The following RNF146 variants were observed in gnomAD, a reference collection of about 807,000 sequenced individuals.
RNF146 encodes ring finger protein 146.
Under a neutral mutation model 29.7 loss-of-function variants are expected in RNF146, and 11 were observed. The observed-to-expected ratio is 0.37, with a 90% CI of 0.23 to 0.61. RNF146 has a LOEUF of 0.61. RNF146 is among the 20% of genes least tolerant of loss of function. The pLI is 0.66. For synonymous variants in RNF146, 150 were observed against 159.7 expected, an observed-to-expected ratio of 0.94 and a Z score of 0.46; for missense variants, 342 against 438.9, an observed-to-expected ratio of 0.78 and a Z score of 1.97.
intron 1 of RNF146, among the ~76,000 whole-genome samples, chr6:127,267,488 TCAGA>T (rs1478908595): frequency 6.6e-6 from 1 of 152,082 alleles, no homozygotes; most frequent in Non-Finnish European, 1.5e-5. Flanking sequence ...CCGTGTGGGG[TCAGA>T]CAGTTTGGGC....
intron 2 of RNF146, among the ~76,000 whole-genome samples, chr6:127,283,244 T>C (rs1270992196): frequency 6.6e-6 from 1 of 151,810 alleles, no homozygotes; most frequent in Admixed American, 6.6e-5. Flanking sequence ...TAAAAACGTC[T>C]TTGAAAGTAA....
At chr6:127,285,819 G>A (rs572766145) in intron 2 of RNF146, among the ~76,000 whole-genome samples, 4 of 151,794 alleles carry the variant, frequency 2.6e-5, no homozygotes, top group East Asian at 1.9e-4. Flanking sequence ...TTTTGATTAC[G>A]CAGGAATCAG....
At chr6:127,274,279 T>C (rs890817393) in intron 1 of RNF146, among the ~76,000 whole-genome samples, 1 of 152,164 alleles carries the variant, frequency 6.6e-6, no homozygotes, top group South Asian at 2.1e-4. Flanking sequence ...ATAGGAAAGA[T>C]CACAGCTTAT....
chr6:127,271,370 G>C (rs1056404937), intron 1 of RNF146, among the ~76,000 whole-genome samples: 1 of 152,168 alleles, frequency 6.6e-6, no homozygotes, highest in African/African-American at 2.4e-5. Context: ...GTTAATAGGT[G>C]ATGGGTCAGT....
At chr6:127,282,533 A>G (rs958740592) in intron 2 of RNF146, 2 of 151,692 alleles carry the variant, frequency 1.3e-5, no homozygotes, top group African/African-American at 4.8e-5. Context: ...TCAAATTCTG[A>G]ATTTTGGTGA....
chr6:127,286,742 ATG>A lies in RNF146; in HGVS notation c.133_134del (p.Val45SerfsTer8). 6.2e-7 allele frequency: 1 copy of A among 1,613,350 alleles called. No homozygotes were observed. Among genetic ancestry groups the A allele is most frequent in the Non-Finnish European group, 8.5e-7 (1 of 1,179,544 alleles). On this transcript the variant is annotated frameshift_variant, in exon 3 of 3. Transcript: ENST00000368314. LOFTEE classifies it high-confidence loss of function. The surrounding 1 kb of genome is among the most constrained non-coding windows in gnomAD (Gnocchi z 4.6). ...CTGAATGTGCCATTTGTCTGCAAAC[ATG>A]TGTTCATCCAGTCAGTCTGCCCTGT... ...VPECAICLQT[C>X]VHPVSLPCKH...
At chr6:127,280,417 T>C in intron 2 of RNF146, 77 bp downstream of exon 2, 1 of 1,497,100 alleles carries the variant, frequency 6.7e-7, no homozygotes, top group Non-Finnish European at 9.1e-7. Context: ...AAATTGAGTA[T>C]CTGTCATATG....
rs186705215 is a variant in RNF146, at chr6:127,286,470, C to T, written c.3-146C>T. On this transcript the variant is annotated intron_variant, in intron 2 of 2. Transcript: ENST00000368314. This position sits in a 1 kb window ranked among gnomAD's most constrained non-coding sequence, Gnocchi z 4.6. ...ATTTTCATCGGTTGGAGAGTTTTTC[C>T]TCTACTTTCATCTTCATATCCCCAT... 1.9e-4 allele frequency: 157 copies of T among 843,848 alleles called. No individual in the cohort carries two copies. The African/African-American group carries it at 2.5e-3, about 14-fold the overall frequency. The allele number at this position is 843,848 out of a possible 1,614,324, so 52.3% of individuals were successfully genotyped here. A position where few individuals can be genotyped will look rare whatever the true frequency, so the allele number is the denominator to read the frequency against.
chr6:127,277,598 C>T (rs954212934), intron 1 of RNF146, among the ~76,000 whole-genome samples: 138 of 152,102 alleles, frequency 9.1e-4, no homozygotes, highest in African/African-American at 3.2e-3. Flanking sequence ...AACTGAAGAA[C>T]TTGGAGTCTG....
chr6:127,277,659 G>A (rs574585240), intron 1 of RNF146, among the ~76,000 whole-genome samples: 98 of 152,122 alleles, frequency 6.4e-4, no homozygotes, highest in Non-Finnish European at 5.6e-4. Flanking sequence ...TAGGCTGGGA[G>A]GCTAGGCCCA....
chr6:127,280,542 G>A, intron 2 of RNF146: 1 of 1,246,168 alleles, frequency 8.0e-7, no homozygotes, highest in East Asian at 3.2e-5. Flanking sequence ...AAAAGGAAAA[G>A]TCTCTATAAG....
Position 127,286,417 on chromosome 6 carries a change from G to T in RNF146, c.3-199G>T. 1.5e-6 allele frequency: 1 copy of T among 670,174 alleles called. No homozygotes were observed. Among genetic ancestry groups the T allele is most frequent in the Non-Finnish European group, 2.4e-6 (1 of 413,230 alleles). The allele number at this position is 670,174 out of a possible 1,614,324, so 41.5% of individuals were successfully genotyped here. On this transcript the variant is annotated intron_variant, in intron 2 of 2. Transcript: ENST00000368314. This position sits in a 1 kb window ranked among gnomAD's most constrained non-coding sequence, Gnocchi z 4.6. ...TGATGGAATTTTTATACATTCCCAAGGTATGTACAAGTAGATGCTTACAAA... is the reference window on the plus strand; with the variant it reads ...TGATGGAATTTTTATACATTCCCAATGTATGTACAAGTAGATGCTTACAAA...
intron 1 of RNF146, among the ~76,000 whole-genome samples, chr6:127,276,460 ATGTC>A (rs1778225663): frequency 6.6e-6 from 1 of 151,946 alleles, no homozygotes; most frequent in Admixed American, 6.6e-5. Context: ...GAAACCTGAG[ATGTC>A]ATATTGTAAG....
intron 2 of RNF146, among the ~76,000 whole-genome samples, chr6:127,284,814 C>T (rs1488654159): frequency 6.6e-6 from 1 of 151,792 alleles, no homozygotes; most frequent in East Asian, 1.9e-4. Flanking sequence ...CCACATGTGG[C>T]CCAGGATGGC....
Position 127,286,584 on chromosome 6 carries a change from A to G in RNF146, c.3-32A>G. The G allele has an allele frequency of 6.5e-7, 1 of 1,543,808 alleles. No homozygotes were observed. The highest frequency in any genetic ancestry group is 8.8e-7 in the Non-Finnish European group (1 of 1,138,908). On this transcript the variant is annotated intron_variant, in intron 2 of 2. Coordinates refer to ENST00000368314, the MANE Select transcript of RNF146 (RefSeq NM_001242850.2). The surrounding 1 kb of genome is among the most constrained non-coding windows in gnomAD (Gnocchi z 4.6). Reference sequence around the variant, plus strand: ...ATTAAGATATTGCAAGAATTAAAACATGACTTTAATATTATATGTATTTTT... The same window carrying G: ...ATTAAGATATTGCAAGAATTAAAACGTGACTTTAATATTATATGTATTTTT...
At chr6:127,270,053 G>A (rs1043195084) in intron 1 of RNF146, among the ~76,000 whole-genome samples, 11 of 151,522 alleles carry the variant, frequency 7.3e-5, no homozygotes, top group African/African-American at 2.7e-4. Context: ...AAAGATAATC[G>A]CTTGCTTGAA....
At chr6:127,271,606 G>A (rs1777510324) in intron 1 of RNF146, among the ~76,000 whole-genome samples, 1 of 152,132 alleles carries the variant, frequency 6.6e-6, no homozygotes, top group Non-Finnish European at 1.5e-5. Context: ...GCCACATGGA[G>A]TTATTGAGCA....
At chr6:127,271,159 C>A (rs994069586) in intron 1 of RNF146, among the ~76,000 whole-genome samples, 4 of 151,864 alleles carry the variant, frequency 2.6e-5, no homozygotes, top group Non-Finnish European at 1.5e-5. Flanking sequence ...TAGTTTATTG[C>A]AAGAAAACAA....
chr6:127,275,863 G>A (rs1331985203), intron 1 of RNF146, among the ~76,000 whole-genome samples: 1 of 152,082 alleles, frequency 6.6e-6, no homozygotes, highest in Non-Finnish European at 1.5e-5. Flanking sequence ...ATTAATCTAT[G>A]GGTGGTTGTT....
Sources: gnomAD v4.1 joint callset for allele counts (sites outside exome capture counted in the v4.1 genomes callset) on GRCh38, gnomAD v4.1.1 for gene constraint, Gnocchi (gnomAD v3.1) non-coding constraint, MANE v1.5 for transcripts, NCBI Gene and HGNC (gene_info 2026-07-23, HGNC 2026-07-21) for gene names.